Variants in CDYL2 observed in about 807,000 individuals in gnomAD.
The protein encoded by CDYL2 is chromodomain Y-like protein 2.
Under a neutral mutation model 49.4 loss-of-function variants are expected in CDYL2, and 23 were observed. The ratio of observed to expected loss-of-function variants is 0.47; its 90% confidence interval spans 0.34 to 0.66. The LOEUF is 0.66. CDYL2 is among the 30% of genes least tolerant of loss of function. The probability of loss-of-function intolerance (pLI) is 0.01; values close to 1 mark genes in which losing one functional copy is unlikely to be tolerated. For synonymous variants in CDYL2, 360 were observed against 268.8 expected, an observed-to-expected ratio of 1.34 and a Z score of -3.32; for missense variants, 678 against 656.4, an observed-to-expected ratio of 1.03 and a Z score of -0.36.
At chr16:80,737,455 G>A (rs1905576171) in intron 1 of CDYL2, among the ~76,000 whole-genome samples, 1 of 152,204 alleles carries the variant, frequency 6.6e-6, no homozygotes, top group Non-Finnish European at 1.5e-5. Context: ...TTCAAACCCA[G>A]GGCTGTGAGA....
chr16:80,795,393 G>A (rs1907740794), intron 1 of CDYL2, among the ~76,000 whole-genome samples: 1 of 152,182 alleles, frequency 6.6e-6, no homozygotes, highest in Non-Finnish European at 1.5e-5. Flanking sequence ...GAGAAACTGG[G>A]ACATAAAATA....
intron 1 of CDYL2, among the ~76,000 whole-genome samples, chr16:80,759,387 C>T (rs995298489): frequency 2.6e-5 from 4 of 151,802 alleles, no homozygotes; most frequent in South Asian, 2.1e-4. Context: ...AAGTCTAGTC[C>T]TAAGCAATGT....
chr16:80,801,860 T>G (rs1468031900), intron 1 of CDYL2, among the ~76,000 whole-genome samples: 1 of 152,194 alleles, frequency 6.6e-6, no homozygotes, highest in Non-Finnish European at 1.5e-5. Context: ...TAAATTAAAT[T>G]TCTCAGTATA....
chr16:80,731,323 G>A (rs1905318618), intron 1 of CDYL2, among the ~76,000 whole-genome samples: 2 of 152,170 alleles, frequency 1.3e-5, no homozygotes, highest in African/African-American at 4.8e-5. Flanking sequence ...AACACAATCA[G>A]AAGGAGTACA....
At chr16:80,775,588 A>G (rs1164290188) in intron 1 of CDYL2, among the ~76,000 whole-genome samples, 1 of 151,946 alleles carries the variant, frequency 6.6e-6, no homozygotes, top group African/African-American at 2.4e-5. Flanking sequence ...CTTAAAGAAA[A>G]AAGAAATAGC....
intron 2 of CDYL2, among the ~76,000 whole-genome samples, chr16:80,655,765 TGCGG>T (rs1908781606): frequency 6.6e-6 from 1 of 152,136 alleles, no homozygotes; most frequent in Non-Finnish European, 1.5e-5. Context: ...CAATTCTGGA[TGCGG>T]GTGGCTGAAA....
rs181917051 is a variant in CDYL2 at position 80,677,208 on chromosome 16, G to A, written c.616+7330C>T. Among the ~76,000 whole-genome samples the A allele has an allele frequency of 6.0e-3, 915 of 151,508 alleles. 7 individuals carry two copies. The highest frequency in any genetic ancestry group is 0.021 in the African/African-American group (850 of 41,112). On this transcript the variant is annotated intron_variant, in intron 2 of 6. Transcript: ENST00000570137. ...GCTGGTCTTGAACTCCTGGGCTCAA[G>A]CTATCCACTGCCTCAGCCTCCCAAA...
chr16:80,743,405 A>G (rs2142554387), intron 1 of CDYL2, among the ~76,000 whole-genome samples: 1 of 152,346 alleles, frequency 6.6e-6, no homozygotes, highest in East Asian at 1.9e-4. Context: ...TGCAGTCTAA[A>G]TCTCAAGGAA....
At chr16:80,649,078 G>A (rs1419153576) in intron 2 of CDYL2, among the ~76,000 whole-genome samples, 3 of 152,086 alleles carry the variant, frequency 2.0e-5, no homozygotes, top group Admixed American at 1.3e-4. Context: ...AAGATCCAGA[G>A]CACAACAAGG....
intron 1 of CDYL2, among the ~76,000 whole-genome samples, chr16:80,750,900 C>G (rs13329850): frequency 0.37 from 55,958 of 151,686 alleles, 12,643 homozygotes; most frequent in African/African-American, 0.65. Flanking sequence ...GGGGCCTGCA[C>G]TCCCAGCTAC....
intron 1 of CDYL2, among the ~76,000 whole-genome samples, chr16:80,729,595 G>C (rs1229664573): frequency 6.6e-6 from 1 of 152,066 alleles, no homozygotes; most frequent in African/African-American, 2.4e-5. Flanking sequence ...TCTGCACCAA[G>C]CAGACCTAAT....
chr16:80,794,939 G>A (rs1401090028), intron 1 of CDYL2, among the ~76,000 whole-genome samples: 1 of 152,094 alleles, frequency 6.6e-6, no homozygotes, highest in Non-Finnish European at 1.5e-5. Context: ...AGGCATTCAT[G>A]GCTGTAGCCC....
intron 1 of CDYL2, among the ~76,000 whole-genome samples, chr16:80,727,944 T>G (rs994983539): frequency 3.9e-5 from 6 of 151,904 alleles, no homozygotes; most frequent in Non-Finnish European, 8.8e-5. Context: ...CAAAAACCCA[T>G]CTGTACATCA....
At chr16:80,649,230 T>C (rs1597148271) in intron 2 of CDYL2, among the ~76,000 whole-genome samples, 2 of 152,264 alleles carry the variant, frequency 1.3e-5, no homozygotes, top group African/African-American at 2.4e-5. Flanking sequence ...TGATGTTATA[T>C]TGGGAAAACT....
chr16:80,658,378 G>T (rs1908899048), intron 2 of CDYL2, among the ~76,000 whole-genome samples: 1 of 152,154 alleles, frequency 6.6e-6, no homozygotes, highest in Non-Finnish European at 1.5e-5. Context: ...ATCAAAAGGG[G>T]AGAGGGGAAG....
rs111763671 is a variant in CDYL2, at chr16:80,641,135, T to A, written c.617-7899A>T. Among the ~76,000 whole-genome samples, 1,337 of 152,148 alleles carry A rather than the reference T, an allele frequency of 8.8e-3. 16 individuals are homozygous for A. The highest frequency in any genetic ancestry group is 0.031 in the African/African-American group (1,278 of 41,512). ...GAAGACAAAGCAGATTTAACCCAAATAAGGCTATCTGAAGGCATTCAATAG... is the reference window on the plus strand; with the variant it reads ...GAAGACAAAGCAGATTTAACCCAAAAAAGGCTATCTGAAGGCATTCAATAG... On this transcript the variant is annotated intron_variant, in intron 2 of 6. Transcript: ENST00000570137.
chr16:80,759,121 T>C, intron 1 of CDYL2, among the ~76,000 whole-genome samples: 1 of 120,592 alleles, frequency 8.3e-6, no homozygotes, highest in Non-Finnish European at 1.7e-5. Flanking sequence ...TATATATATA[T>C]ATATATATAT....
Position 80,604,244 on chromosome 16 carries a change from G to C in CDYL2, c.*144C>G. 1.1e-6 allele frequency: 1 copy of C among 900,120 alleles called. No individual in the cohort carries two copies. The highest frequency in any genetic ancestry group is 1.6e-5 in the South Asian group (1 of 60,890). 55.8% of individuals were successfully genotyped at this position (900,120 alleles called of 1,614,324 possible). On this transcript the variant is annotated 3_prime_UTR_variant, in exon 7 of 7. Transcript: ENST00000570137. Reference sequence around the variant, plus strand: ...TTACACAAAATCAAACCAAGGAGGAGCAACCAAAGGACACGAGGAAATGGA... The same window carrying C: ...TTACACAAAATCAAACCAAGGAGGACCAACCAAAGGACACGAGGAAATGGA...
rs1227856622 is a variant in CDYL2 at position 80,804,079 on chromosome 16, C to CCCGCCGCCCGCCG, written c.24+58_24+70dup. The CCCGCCGCCCGCCG allele has an allele frequency of 6.3e-6, 6 of 958,168 alleles. No individual in the cohort carries two copies. The Admixed American group carries it at 1.9e-4, about 31-fold the overall frequency. 59.4% of individuals were successfully genotyped at this position (958,168 alleles called of 1,614,324 possible). Reference sequence around the variant, plus strand: ...GCCCGGCCCCGGCCCCGGCCCGGTCCCCGCCGCCCGCCGCCGCCGCCCGCC... The same window carrying CCCGCCGCCCGCCG: ...GCCCGGCCCCGGCCCCGGCCCGGTCCCCGCCGCCCGCCGCCGCCGCCCGCCGCCGCCGCCCGCC... On this transcript the variant is annotated intron_variant, in intron 1 of 6. Coordinates refer to ENST00000570137, the MANE Select transcript of CDYL2 (RefSeq NM_152342.4).
Sources: gnomAD v4.1 joint callset for allele counts (sites outside exome capture counted in the v4.1 genomes callset) on GRCh38, gnomAD v4.1.1 for gene constraint, MANE v1.5 for transcripts, NCBI Gene and HGNC (gene_info 2026-07-23, HGNC 2026-07-21) for gene names.